The following SPNS3 variants were observed in gnomAD, a reference collection of about 807,000 sequenced individuals.
The protein encoded by SPNS3 is SPNS lysolipid transporter 3, sphingosine-1-phosphate (putative).
SPNS3 carries 51 observed loss-of-function variants against 54.4 expected under a neutral mutation model. The ratio of observed to expected loss-of-function variants is 0.94; its 90% CI spans 0.75 to 1.18. SPNS3 has a LOEUF of 1.18. SPNS3 is among the 50% of genes most tolerant of loss of function. The probability of loss-of-function intolerance (pLI) is 0.00; values close to 1 mark genes in which losing one functional copy is unlikely to be tolerated. For synonymous variants in SPNS3, 309 were observed against 294.7 expected (o/e 1.05, Z -0.50); for missense variants, 669 against 677.4 (o/e 0.99, Z 0.14).
At chr17:4,446,804 C>A in intron 4 of SPNS3, 92 bp from the exon 5 acceptor site, 1 of 1,209,918 alleles carries the variant, frequency 8.3e-7, no homozygotes, top group Non-Finnish European at 1.2e-6. Flanking sequence ...CTCCCTGGGG[C>A]GTGGGGGGGG....
intron 7 of SPNS3, among the ~76,000 whole-genome samples, chr17:4,451,222 T>G (rs1311020154): frequency 6.7e-6 from 1 of 149,860 alleles, no homozygotes; most frequent in Admixed American, 6.7e-5. Context: ...TGGGAAGGTT[T>G]AGAAAGCACT....
intron 8 of SPNS3, among the ~76,000 whole-genome samples, chr17:4,461,463 C>A (rs1971505759): frequency 6.9e-6 from 1 of 145,290 alleles, no homozygotes; most frequent in South Asian, 2.2e-4. Context: ...CCTCCCCAGG[C>A]ATTAGGATTA....
rs528032874 is a variant in SPNS3 at position 4,476,804 on chromosome 17, T to C, written c.1114-1768T>C. ...GACCAGGCACTGCAGTCCCAGGGGCTGGGTTAGGCCAGGAGAGCGCATGGC... is the reference window on the plus strand; with the variant it reads ...GACCAGGCACTGCAGTCCCAGGGGCCGGGTTAGGCCAGGAGAGCGCATGGC... On this transcript the variant is annotated intron_variant, in intron 8 of 11. Coordinates refer to ENST00000355530, the MANE Select transcript of SPNS3 (RefSeq NM_182538.5). Among the ~76,000 whole-genome samples, 3 of 152,154 alleles carry C rather than the reference T, an allele frequency of 2.0e-5. No homozygotes were observed. In the South Asian group the frequency reaches 6.2e-4, roughly 31 times the overall value.
chr17:4,452,926 G>A (rs1378169460), intron 7 of SPNS3, 90 bp from the exon 8 acceptor site: 20 of 1,312,760 alleles, frequency 1.5e-5, no homozygotes, highest in East Asian at 2.3e-5. Context: ...CACTTGAGCC[G>A]AGGGGCTAGA....
At chr17:4,435,872 C>A (rs950807403) in intron 1 of SPNS3, among the ~76,000 whole-genome samples, 1 of 152,180 alleles carries the variant, frequency 6.6e-6, no homozygotes, top group African/African-American at 2.4e-5. Context: ...GCGGAGGTTG[C>A]GGTGAGCTGA....
chr17:4,462,770 C>A (rs1432255577), intron 8 of SPNS3, among the ~76,000 whole-genome samples: 3 of 123,104 alleles, frequency 2.4e-5, no homozygotes, highest in African/African-American at 3.9e-5. Context: ...TCCATCCATC[C>A]ATCCATCCAT....
intron 2 of SPNS3, among the ~76,000 whole-genome samples, chr17:4,440,728 C>A (rs915480806): frequency 6.6e-6 from 1 of 152,074 alleles, no homozygotes; most frequent in African/African-American, 2.4e-5. Context: ...AACAGAGGCC[C>A]CTGCGTGGAT....
At chr17:4,479,064 T>A (rs1597342319) in intron 9 of SPNS3, among the ~76,000 whole-genome samples, 1 of 152,126 alleles carries the variant, frequency 6.6e-6, no homozygotes, top group Non-Finnish European at 1.5e-5. Context: ...TGCCTCAGCC[T>A]CCCAAGTAGC....
At chr17:4,434,276 C>T in intron 1 of SPNS3, 110 bp downstream of exon 1, 1 of 1,106,016 alleles carries the variant, frequency 9.0e-7, no homozygotes, top group Non-Finnish European at 1.3e-6. Context: ...GCTCCTGGGC[C>T]CATCTCTGGT....
intron 2 of SPNS3, among the ~76,000 whole-genome samples, chr17:4,439,988 G>A (rs1970808692): frequency 6.6e-6 from 1 of 152,182 alleles, no homozygotes; most frequent in Non-Finnish European, 1.5e-5. Context: ...GGTCCTCGCT[G>A]TGGAGCTGGC....
At chr17:4,447,786 G>A (rs917709562) in intron 5 of SPNS3, among the ~76,000 whole-genome samples, 19 of 152,164 alleles carry the variant, frequency 1.2e-4, no homozygotes, top group African/African-American at 4.6e-4. Flanking sequence ...GGAGGCCTGG[G>A]CCAGGGAAAG....
intron 8 of SPNS3, among the ~76,000 whole-genome samples, chr17:4,477,423 C>T (rs1255387279): frequency 6.6e-6 from 1 of 152,180 alleles, no homozygotes; most frequent in Admixed American, 6.5e-5. Flanking sequence ...GGGACAGCCC[C>T]GTGATCCAGG....
intron 8 of SPNS3, among the ~76,000 whole-genome samples, chr17:4,470,725 A>G (rs1323035676): frequency 1.3e-5 from 2 of 152,212 alleles, no homozygotes; most frequent in African/African-American, 4.8e-5. Context: ...TTTAATTTAT[A>G]TGAATCCACT....
intron 6 of SPNS3, among the ~76,000 whole-genome samples, chr17:4,448,804 A>T (rs191950615): frequency 3.9e-4 from 60 of 152,300 alleles, no homozygotes; most frequent in Non-Finnish European, 6.8e-4. Flanking sequence ...ACAGGATTCA[A>T]TTCTGTTACT....
intron 9 of SPNS3, chr17:4,485,976 C>A: frequency 4.9e-6 from 2 of 406,456 alleles, no homozygotes; most frequent in African/African-American, 2.1e-5. Context: ...AGTTCAAGAG[C>A]AAACTCTCAA....
At chr17:4,485,893 T>G (rs1381805982) in intron 9 of SPNS3, among the ~76,000 whole-genome samples, 1 of 152,248 alleles carries the variant, frequency 6.6e-6, no homozygotes, top group African/African-American at 2.4e-5. Context: ...CTTGTGCTGC[T>G]GCATCCTGGG....
chr17:4,451,189 A>G (rs1238697218), intron 7 of SPNS3, among the ~76,000 whole-genome samples: 1 of 151,822 alleles, frequency 6.6e-6, no homozygotes, highest in Non-Finnish European at 1.5e-5. Flanking sequence ...GGGCTGAGCC[A>G]GACCTCGCAC....
At chr17:4,447,708 C>T (rs188862461) in intron 5 of SPNS3, among the ~76,000 whole-genome samples, 45 of 152,242 alleles carry the variant, frequency 3.0e-4, no homozygotes, top group Admixed American at 7.9e-4. Flanking sequence ...GTAGTGAGAT[C>T]CCCGTCCTTG....
In SPNS3 at chr17:4,445,026, C is replaced by T. The variant is rs1445233339; in HGVS notation, c.266-6C>T. ...GATCCAGGCTGCCCCTGTGTGTCTC[C>T]TTCAGTCTTCGTTAGCTGCCTGCTG... On this transcript the variant is annotated splice_region_variant and splice_polypyrimidine_tract_variant and intron_variant, in intron 2 of 11. Coordinates refer to ENST00000355530, the MANE Select transcript of SPNS3 (RefSeq NM_182538.5). 4 of 1,612,860 alleles carry T rather than the reference C, an allele frequency of 2.5e-6. No homozygotes were observed. The South Asian group carries it at 4.4e-5, about 18-fold the overall frequency.
Sources: allele counts gnomAD v4.1 joint callset (sites outside exome capture counted in the v4.1 genomes callset), GRCh38; gene constraint gnomAD v4.1.1; transcripts MANE v1.5; gene names NCBI Gene and HGNC (gene_info 2026-07-23, HGNC 2026-07-21).